Variants in SULT4A1 observed in about 807,000 individuals in gnomAD.
SULT4A1 encodes the protein sulfotransferase family 4A member 1, also known as sulfotransferase 4A1.
In SULT4A1, 11 loss-of-function variants were observed where a neutral mutation model predicts 35.2. That is an observed-to-expected ratio of 0.31 (90% CI 0.20 to 0.52). The LOEUF is 0.52. SULT4A1 is among the 20% of genes least tolerant of loss of function. SULT4A1 has a pLI of 0.97. For synonymous variants in SULT4A1, 152 were observed against 151.8 expected (o/e 1.00, Z -0.01); for missense variants, 271 against 383.7 (o/e 0.71, Z 2.45).
At chr22:43,833,182 G>T (rs186118310) in intron 5 of SULT4A1, among the ~76,000 whole-genome samples, 126 of 152,068 alleles carry the variant, frequency 8.3e-4, no homozygotes, top group African/African-American at 2.9e-3. Context: ...CTAAGACCTT[G>T]TCCCATTAGT....
chr22:43,842,227 A>G (rs910743063), intron 1 of SULT4A1, among the ~76,000 whole-genome samples: 8 of 152,206 alleles, frequency 5.3e-5, no homozygotes, highest in Non-Finnish European at 1.0e-4. Flanking sequence ...AGGGGCTGTA[A>G]CAGGTGGGTG....
At chr22:43,839,765 T>C (rs2063409374) in intron 3 of SULT4A1, among the ~76,000 whole-genome samples, 180 bp downstream of exon 3, 1 of 151,964 alleles carries the variant, frequency 6.6e-6, no homozygotes, top group Non-Finnish European at 1.5e-5. Context: ...AAAACTTGGG[T>C]AAAATGCTAG....
In SULT4A1 at chr22:43,840,038, A is replaced by C. The variant is rs776046921; in HGVS notation, c.301-13T>G. On this transcript the variant is annotated splice_polypyrimidine_tract_variant and intron_variant, in intron 2 of 6. Transcript: ENST00000330884. ...GAGAGGTCAGTTCCTGCGTGGAGTC[A>C]GAGGGAGAGGCAGGTCAGAGGAAAG... is the stretch of plus-strand genomic sequence containing the variant. 3.2e-6 allele frequency: 5 copies of C among 1,556,556 alleles called. No homozygotes were observed. Among genetic ancestry groups the C allele is most frequent in the Non-Finnish European group, 4.4e-6 (5 of 1,146,376 alleles).
At chr22:43,859,657 C>A (rs950845053) in intron 1 of SULT4A1, among the ~76,000 whole-genome samples, 1 of 152,246 alleles carries the variant, frequency 6.6e-6, no homozygotes, top group African/African-American at 2.4e-5. Context: ...CGGTCATCAA[C>A]AGAAAGGTCC....
Position 43,824,737 on chromosome 22 carries a change from T to C in SULT4A1, c.*1264A>G, listed in dbSNP as rs2063275035. ...TTACAAACAAAAACACAAGCTTCTCTCTACACCCGTTTCAAATACAGCACC... is the reference window on the plus strand; with the variant it reads ...TTACAAACAAAAACACAAGCTTCTCCCTACACCCGTTTCAAATACAGCACC... On this transcript the variant is annotated 3_prime_UTR_variant, in exon 7 of 7. Transcript: ENST00000330884. 1 of 152,080 alleles carries C rather than the reference T, an allele frequency of 6.6e-6. No individual in the cohort carries two copies. The highest frequency in any genetic ancestry group is 1.5e-5 in the Non-Finnish European group (1 of 68,022). 9.4% of individuals were successfully genotyped at this position (152,080 alleles called of 1,614,324 possible).
chr22:43,839,815 G>T, intron 3 of SULT4A1, 130 bp downstream of exon 3: 1 of 834,258 alleles, frequency 1.2e-6, no homozygotes, highest in Non-Finnish European at 2.0e-6. Context: ...GGATCTTCAC[G>T]TGTGGGCTCC....
At chr22:43,854,564 G>A (rs774030753) in intron 1 of SULT4A1, among the ~76,000 whole-genome samples, 1 of 152,182 alleles carries the variant, frequency 6.6e-6, no homozygotes, top group Non-Finnish European at 1.5e-5. Flanking sequence ...AGCTGCCCTA[G>A]AGGTCACCTG....
At chr22:43,835,263 T>C (rs1318506254) in intron 4 of SULT4A1, among the ~76,000 whole-genome samples, 1 of 152,218 alleles carries the variant, frequency 6.6e-6, no homozygotes, top group Non-Finnish European at 1.5e-5. Flanking sequence ...CAGTGTTCTT[T>C]ATAAAAGCTA....
At chr22:43,860,718 G>A (rs904788810) in intron 1 of SULT4A1, among the ~76,000 whole-genome samples, 1 of 152,190 alleles carries the variant, frequency 6.6e-6, no homozygotes, top group Non-Finnish European at 1.5e-5. Flanking sequence ...CCACTTGGAG[G>A]GGCCTCAGAG....
intron 6 of SULT4A1, 181 bp downstream of exon 6, chr22:43,828,879 T>C (rs1186443516): frequency 1.6e-6 from 1 of 611,844 alleles, no homozygotes; most frequent in Non-Finnish European, 2.7e-6. Context: ...CGTCACTCCA[T>C]GAGCACTGTG....
At chr22:43,833,017 C>G (rs1337435772) in intron 5 of SULT4A1, among the ~76,000 whole-genome samples, 1 of 152,158 alleles carries the variant, frequency 6.6e-6, no homozygotes, top group African/African-American at 2.4e-5. Flanking sequence ...ACTCAGGCCT[C>G]TGCCCCACAG....
intron 4 of SULT4A1, among the ~76,000 whole-genome samples, chr22:43,836,140 C>T (rs1485087123): frequency 6.6e-6 from 1 of 152,142 alleles, no homozygotes; most frequent in Non-Finnish European, 1.5e-5. Context: ...AGCCTGTCTA[C>T]ACAGCGTCCT....
At chr22:43,850,689 T>C (rs1273524114) in intron 1 of SULT4A1, among the ~76,000 whole-genome samples, 2 of 152,144 alleles carry the variant, frequency 1.3e-5, no homozygotes, top group Non-Finnish European at 2.9e-5. Context: ...GCACTGGTCC[T>C]TTCTCCACGT....
chr22:43,847,433 A>G (rs1291168329), intron 1 of SULT4A1, among the ~76,000 whole-genome samples: 1 of 152,038 alleles, frequency 6.6e-6, no homozygotes. Context: ...GGCACCCAGC[A>G]CTCCTCCCAC....
In SULT4A1 at chr22:43,829,055, C is replaced by CGTACCCCGG. The variant is rs1277805609; in HGVS notation, c.738_742+4dup. ...CCTGGGCGGGAGGCAGGGTGGGGCA[C>CGTACCCCGG]GTACCCCGGCCCACGGGCAGGGCCT... On this transcript the variant is annotated splice_donor_region_variant and intron_variant, in intron 6 of 6. Transcript: ENST00000330884. 1 of 1,522,066 alleles carries CGTACCCCGG rather than the reference C, an allele frequency of 6.6e-7. No individual in the cohort carries two copies. Among genetic ancestry groups the CGTACCCCGG allele is most frequent in the Non-Finnish European group, 8.9e-7 (1 of 1,129,304 alleles). 94.3% of individuals were successfully genotyped at this position (1,522,066 alleles called of 1,614,324 possible).
Position 43,841,853 on chromosome 22 carries a change from G to A in SULT4A1, c.249C>T (p.Asp83=), listed in dbSNP as rs901703458. The change falls in exon 2 of 7, where the codon GAC becomes GAT. Residue 83 remains aspartate, a synonymous_variant. Transcript: ENST00000330884. ...DPDEIGLMNI[D]EQLPVLEYPQ... is the part of the protein sequence containing the mutation. ...GGTACTCCAGGACCGGGAGCTGCTC[G>A]TCGATGTTCATCAAGCCGATCTCAT... 16 of 1,613,972 alleles carry A rather than the reference G, an allele frequency of 9.9e-6. No individual in the cohort carries two copies. In the Admixed American group the frequency reaches 1.5e-4, roughly 15 times the overall value.
At chr22:43,827,038 C>A (rs1455864181) in intron 6 of SULT4A1, 1 of 985,336 alleles carries the variant, frequency 1.0e-6, no homozygotes, top group African/African-American at 1.7e-5. Context: ...AATATAAAAT[C>A]TTAGGTTGGT....
chr22:43,826,369 C>T (rs1753011756), intron 6 of SULT4A1: 2 of 985,392 alleles, frequency 2.0e-6, no homozygotes, highest in Non-Finnish European at 2.4e-6. Context: ...CCACAACCAC[C>T]TCCTGGTGCC....
In SULT4A1 at chr22:43,835,172, G is replaced by A. The variant is rs1400945219; in HGVS notation, c.509-1438C>T. On this transcript the variant is annotated intron_variant, in intron 4 of 6. Transcript: ENST00000330884. The stretch of plus-strand genomic sequence containing the variant: ...CACCGCAGCCCTGAGCTTCCTGCGT[G>A]GCCTGCGCTGCCTCAGAGCCCTTGG... Among the ~76,000 whole-genome samples, 5 of 152,030 alleles carry A rather than the reference G, an allele frequency of 3.3e-5. 1 individual carries two copies. The highest frequency in any genetic ancestry group is 3.3e-4 in the Admixed American group (5 of 15,290).
Sources: allele counts gnomAD v4.1 joint callset (sites outside exome capture counted in the v4.1 genomes callset), GRCh38; gene constraint gnomAD v4.1.1; transcripts MANE v1.5; gene names NCBI Gene and HGNC (gene_info 2026-07-23, HGNC 2026-07-21).